ZNF804B: variants seen among roughly 807,000 people sequenced by gnomAD.
The protein encoded by ZNF804B is zinc finger 804B.
ZNF804B carries 80 observed loss-of-function variants against 101.4 expected under a neutral mutation model. The observed-to-expected ratio is 0.79, with a 90% CI of 0.66 to 0.95. The LOEUF (loss-of-function observed/expected upper bound fraction) is 0.95. Among genes scored for constraint, ZNF804B ranks in the 40% least tolerant of loss-of-function variants. ZNF804B has a pLI of 0.00. For missense variants in ZNF804B, 1,673 were observed against 1,561.9 expected (o/e 1.07, Z -1.20); for synonymous variants, 622 against 558.8 (o/e 1.11, Z -1.59).
intron 1 of ZNF804B, among the ~76,000 whole-genome samples, chr7:88,998,734 A>C (rs1788239447): frequency 6.6e-6 from 1 of 151,922 alleles, no homozygotes. Flanking sequence ...AGAACTGGGG[A>C]TGGAGTAGGG....
At chr7:89,017,249 G>A (rs1010493057) in intron 1 of ZNF804B, among the ~76,000 whole-genome samples, 1 of 152,080 alleles carries the variant, frequency 6.6e-6, no homozygotes, top group Non-Finnish European at 1.5e-5. Flanking sequence ...GAGACAATGG[G>A]GTTTTCTAGA....
intron 1 of ZNF804B, among the ~76,000 whole-genome samples, chr7:88,857,296 A>G (rs1024019784): frequency 4.6e-5 from 7 of 152,138 alleles, no homozygotes; most frequent in Admixed American, 4.6e-4. Flanking sequence ...ACACAAAAAA[A>G]CCCTCCAAAA....
intron 1 of ZNF804B, chr7:88,794,231 G>GTA: frequency 2.5e-6 from 4 of 1,613,338 alleles, no homozygotes; most frequent in Non-Finnish European, 3.4e-6. Context: ...AGAGTGATGT[G>GTA]TATGGGTCTA....
intron 2 of ZNF804B, among the ~76,000 whole-genome samples, chr7:89,257,234 AGT>A (rs1789645835): frequency 6.6e-6 from 1 of 152,146 alleles, no homozygotes; most frequent in Non-Finnish European, 1.5e-5. Context: ...TAAATACTGG[AGT>A]CAATTTCTGA....
intron 1 of ZNF804B, among the ~76,000 whole-genome samples, chr7:89,055,745 C>T (rs1446221226): frequency 1.3e-5 from 2 of 152,000 alleles, no homozygotes; most frequent in Non-Finnish European, 2.9e-5. Context: ...CCAGGGAAAC[C>T]TTCCCCTTAT....
At chr7:88,805,101 A>G (rs752292654) in intron 1 of ZNF804B, among the ~76,000 whole-genome samples, 11 of 152,172 alleles carry the variant, frequency 7.2e-5, no homozygotes, top group Non-Finnish European at 1.3e-4. Context: ...AATATTGAGA[A>G]CCATTAAATG....
intron 1 of ZNF804B, among the ~76,000 whole-genome samples, chr7:88,892,824 A>G (rs2115933973): frequency 6.6e-6 from 1 of 152,278 alleles, no homozygotes; most frequent in East Asian, 1.9e-4. Context: ...TTAAAAGACA[A>G]TTTCAGATTT....
intron 1 of ZNF804B, among the ~76,000 whole-genome samples, chr7:88,910,951 T>A (rs1792540876): frequency 1.3e-5 from 2 of 151,968 alleles, no homozygotes; most frequent in Non-Finnish European, 2.9e-5. Context: ...AATTGTATCA[T>A]TGAAGTAACT....
At chr7:89,121,026 C>G (rs13240400) in intron 1 of ZNF804B, among the ~76,000 whole-genome samples, 3 of 152,122 alleles carry the variant, frequency 2.0e-5, no homozygotes, top group Non-Finnish European at 4.4e-5. Flanking sequence ...AAAATGTGCT[C>G]CTTATTTCCA....
chr7:89,020,210 C>A (rs568707479), intron 1 of ZNF804B, among the ~76,000 whole-genome samples: 19 of 152,060 alleles, frequency 1.2e-4, no homozygotes, highest in Non-Finnish European at 2.8e-4. Flanking sequence ...CTTCCAGATG[C>A]AGGACTCTCT....
intron 3 of ZNF804B, among the ~76,000 whole-genome samples, chr7:89,328,406 A>G (rs1313341849): frequency 6.6e-6 from 1 of 151,934 alleles, no homozygotes; most frequent in Non-Finnish European, 1.5e-5. Flanking sequence ...ATAAAAGATA[A>G]TCATATTAAC....
chr7:89,280,235 A>T (rs2115866597), intron 2 of ZNF804B, among the ~76,000 whole-genome samples: 1 of 152,052 alleles, frequency 6.6e-6, no homozygotes, highest in African/African-American at 2.4e-5. Flanking sequence ...AACATACCAG[A>T]ATCTCTGGGA....
chr7:89,117,199 A>G (rs994061951), intron 1 of ZNF804B, among the ~76,000 whole-genome samples: 1 of 152,192 alleles, frequency 6.6e-6, no homozygotes, highest in African/African-American at 2.4e-5. Context: ...ATTTTGGCCA[A>G]GTGATACTGT....
chr7:89,090,392 C>G (rs900070314), intron 1 of ZNF804B, among the ~76,000 whole-genome samples: 4 of 151,910 alleles, frequency 2.6e-5, no homozygotes, highest in East Asian at 1.9e-4. Flanking sequence ...ATAAGAGAGA[C>G]TTGGGATGTA....
In ZNF804B at chr7:89,335,255, T is replaced by C. The variant is rs753732897; in HGVS notation, c.2273T>C (p.Leu758Pro). 2.5e-6 allele frequency: 4 copies of C among 1,613,748 alleles called. No individual in the cohort carries two copies. In the East Asian group the frequency reaches 8.9e-5, roughly 36 times the overall value. Residue 758 changes from leucine to proline, a missense_variant, in exon 4 of 4, where the codon CTA (leucine) becomes CCA (proline). By Grantham distance (98) the Leu-to-Pro change is moderately conservative. Transcript: ENST00000333190. Reference protein sequence around the residue: ...HSVERHKRKCLKHNCFYLSDD... With the variant: ...HSVERHKRKCPKHNCFYLSDD... ...GTTGAAAGGCACAAACGGAAATGTC[T>C]AAAGCACAACTGCTTCTACTTGTCT...
At chr7:88,884,004 AATC>A (rs1392437968) in intron 1 of ZNF804B, among the ~76,000 whole-genome samples, 15 of 152,162 alleles carry the variant, frequency 9.9e-5, no homozygotes, top group African/African-American at 3.4e-4. Flanking sequence ...GATCTCAAGA[AATC>A]ATCTAGTTTA....
chr7:89,328,030 A>G (rs533987109), intron 3 of ZNF804B, among the ~76,000 whole-genome samples: 2 of 152,110 alleles, frequency 1.3e-5, no homozygotes, highest in Non-Finnish European at 2.9e-5. Flanking sequence ...AAAGCTTGGA[A>G]CCACTGGATG....
intron 2 of ZNF804B, among the ~76,000 whole-genome samples, chr7:89,291,300 A>G (rs1790288633): frequency 6.6e-6 from 1 of 152,192 alleles, no homozygotes; most frequent in African/African-American, 2.4e-5. Flanking sequence ...GACAGAAACC[A>G]ATCATATTGA....
intron 1 of ZNF804B, among the ~76,000 whole-genome samples, chr7:88,860,208 G>A (rs1791626234): frequency 6.6e-6 from 1 of 151,964 alleles, no homozygotes; most frequent in South Asian, 2.1e-4. Flanking sequence ...ATAAAATATT[G>A]TAGAGGGCAA....
Sources: allele counts gnomAD v4.1 joint callset (sites outside exome capture counted in the v4.1 genomes callset), GRCh38; gene constraint gnomAD v4.1.1; transcripts MANE v1.5; gene names NCBI Gene and HGNC (gene_info 2026-07-23, HGNC 2026-07-21).